Variants in THSD7B observed in about 807,000 individuals in gnomAD.
THSD7B encodes thrombospondin type 1 domain containing 7B.
Under a neutral mutation model 213.6 loss-of-function variants are expected in THSD7B, and 138 were observed. The observed-to-expected ratio is 0.65, with a 90% CI of 0.56 to 0.74. THSD7B has a LOEUF of 0.74. THSD7B is among the 30% of genes least tolerant of loss of function. THSD7B has a pLI of 0.00. For synonymous variants in THSD7B, 742 were observed against 687.0 expected (o/e 1.08, Z -1.25); for missense variants, 1,931 against 1,991.5 (o/e 0.97, Z 0.58).
chr2:137,590,564 A>AC, intron 17 of THSD7B, among the ~76,000 whole-genome samples: 1 of 152,102 alleles, frequency 6.6e-6, no homozygotes, highest in Admixed American at 6.6e-5. Flanking sequence ...TGGTATTTTG[A>AC]AAGTCTTTTA....
chr2:137,657,086 C>T lies in THSD7B; in HGVS notation c.4301C>T (p.Thr1434Ile), dbSNP rs760657010. ...ACAGGAGGCAAATGTTATCACTACA[C>T]ATGGAAAGCAAGTCTTTGGAACAAT... ...PCTGGKCYHY[T>I]WKASLWNNNE... The change falls in exon 24 of 28, where the codon ACA (threonine) becomes ATA (isoleucine). Residue 1434 changes from threonine (T) to isoleucine (I), a missense_variant. Thr to Ile is a moderately conservative substitution (Grantham distance 89). Coordinates refer to ENST00000409968, the MANE Select transcript of THSD7B (RefSeq NM_001316349.2). 8.7e-6 allele frequency: 14 copies of T among 1,613,866 alleles called. No individual in the cohort carries two copies. The East Asian group carries it at 1.6e-4, about 18-fold the overall frequency.
At position 137,465,814 on chromosome 2, in the gene THSD7B, G is replaced by A. The variant is rs1013223327; in HGVS notation, c.3138+14791G>A. 1.2e-4 allele frequency among the ~76,000 whole-genome samples: 19 copies of A among 152,160 alleles called. No homozygotes were observed. The South Asian group carries it at 1.5e-3, about 12-fold the overall frequency. On this transcript the variant is annotated intron_variant, in intron 15 of 27. Transcript: ENST00000409968. ...CTCTCTGAACCACTAATGTCAAGTGGCATTTACCATGAGCAAGTAATCTCT... is the reference window on the plus strand; with the variant it reads ...CTCTCTGAACCACTAATGTCAAGTGACATTTACCATGAGCAAGTAATCTCT...
At chr2:137,600,565 C>G (rs1487201387) in intron 17 of THSD7B, among the ~76,000 whole-genome samples, 1 of 152,060 alleles carries the variant, frequency 6.6e-6, no homozygotes, top group Non-Finnish European at 1.5e-5. Flanking sequence ...TGGCGAAACC[C>G]TATCTCTGCT....
intron 12 of THSD7B, among the ~76,000 whole-genome samples, chr2:137,352,058 A>G (rs1416757706): frequency 6.6e-6 from 1 of 151,834 alleles, no homozygotes; most frequent in African/African-American, 2.4e-5. Context: ...GGAAGCCAAA[A>G]GATTGGACAC....
intron 2 of THSD7B, among the ~76,000 whole-genome samples, chr2:137,018,616 A>G (rs974127599): frequency 1.3e-5 from 2 of 152,182 alleles, no homozygotes; most frequent in African/African-American, 4.8e-5. Context: ...AGGGCATTCA[A>G]TTTGTACAGT....
At chr2:137,225,768 A>C (rs1259896469) in intron 7 of THSD7B, among the ~76,000 whole-genome samples, 1 of 117,224 alleles carries the variant, frequency 8.5e-6, no homozygotes, top group Non-Finnish European at 1.8e-5. Flanking sequence ...TTTGACATTG[A>C]GTTTCTTTAT....
intron 1 of THSD7B, among the ~76,000 whole-genome samples, chr2:136,856,647 T>C (rs1383270357): frequency 1.3e-5 from 2 of 152,058 alleles, no homozygotes; most frequent in East Asian, 3.9e-4. Flanking sequence ...CCTGAGTAGC[T>C]GGGATTACAG....
intron 2 of THSD7B, among the ~76,000 whole-genome samples, chr2:136,897,221 G>T (rs1683975526): frequency 6.6e-6 from 1 of 152,200 alleles, no homozygotes; most frequent in African/African-American, 2.4e-5. Context: ...GTTCCTTCCG[G>T]TGGGTTCTTG....
In THSD7B at chr2:137,094,962, C is replaced by T. The variant is rs777171385; in HGVS notation, c.1040C>T (p.Pro347Leu). ...CETSQWSSWS[P>L]CSKTCRSGSL... ...ACCTCCCAGTGGTCCTCCTGGAGCC[C>T]CTGCTCCAAGACATGCCGTTCAGGG... The change falls in exon 4 of 28, where the codon CCC becomes CTC. Residue 347 changes from proline (P) to leucine (L), a missense_variant. Coordinates refer to ENST00000409968, the MANE Select transcript of THSD7B (RefSeq NM_001316349.2). 6.2e-7 allele frequency: 1 copy of T among 1,613,836 alleles called. No homozygotes were observed. The highest frequency in any genetic ancestry group is 8.5e-7 in the Non-Finnish European group (1 of 1,179,852).
intron 20 of THSD7B, among the ~76,000 whole-genome samples, chr2:137,622,395 A>T (rs1338962662): frequency 6.6e-6 from 1 of 152,146 alleles, no homozygotes; most frequent in African/African-American, 2.4e-5. Context: ...TGCTTCCAAG[A>T]TACAGTGGTG....
chr2:137,068,151 A>C (rs1360509752), intron 3 of THSD7B, among the ~76,000 whole-genome samples: 1 of 151,982 alleles, frequency 6.6e-6, no homozygotes, highest in African/African-American at 2.4e-5. Flanking sequence ...TGGATTTAAG[A>C]AGGGTTATTG....
At position 136,886,678 on chromosome 2, in the gene THSD7B, C is replaced by T. The variant is rs1004051162; in HGVS notation, c.139+4361C>T. 2.0e-5 allele frequency among the ~76,000 whole-genome samples: 3 copies of T among 152,270 alleles called. 1 individual carries two copies. The highest frequency in any genetic ancestry group is 7.2e-5 in the African/African-American group (3 of 41,546). ...TCTCAACAGTGCCCAGGTTGAGAAA[C>T]CCTGAGTTAAGATAAAGCCATCAGG... On this transcript the variant is annotated intron_variant, in intron 2 of 27. Transcript: ENST00000409968.
intron 2 of THSD7B, among the ~76,000 whole-genome samples, chr2:136,884,480 C>G (rs1331318356): frequency 6.6e-6 from 1 of 152,154 alleles, no homozygotes; most frequent in East Asian, 1.9e-4. Flanking sequence ...TTCATATCTG[C>G]CAGGCCTCCC....
At chr2:137,489,855 CT>C (rs1276448460) in intron 15 of THSD7B, among the ~76,000 whole-genome samples, 2 of 152,178 alleles carry the variant, frequency 1.3e-5, no homozygotes, top group African/African-American at 4.8e-5. Context: ...CCTTTACTGT[CT>C]TTTTCCCACA....
intron 2 of THSD7B, among the ~76,000 whole-genome samples, chr2:136,947,931 G>T (rs1684971741): frequency 1.3e-5 from 2 of 152,082 alleles, no homozygotes; most frequent in African/African-American, 4.8e-5. Flanking sequence ...ACTGCATGGG[G>T]GTGTCCTGCA....
chr2:136,818,218 TA>T (rs548596060), intron 1 of THSD7B, among the ~76,000 whole-genome samples: 5,153 of 148,602 alleles, frequency 0.035, 156 homozygotes, highest in East Asian at 0.16. Context: ...TATGCAGCCA[TA>T]AAAAATGATG....
intron 12 of THSD7B, among the ~76,000 whole-genome samples, chr2:137,311,013 T>C (rs1683889908): frequency 6.6e-6 from 1 of 150,556 alleles, no homozygotes; most frequent in South Asian, 2.2e-4. Context: ...CATATGAACT[T>C]TAAAGTATTT....
chr2:137,459,492 C>G (rs1687840448), intron 15 of THSD7B, among the ~76,000 whole-genome samples: 1 of 151,882 alleles, frequency 6.6e-6, no homozygotes, highest in Non-Finnish European at 1.5e-5. Flanking sequence ...ATGGTGAAAC[C>G]CCATCTCTAC....
intron 2 of THSD7B, among the ~76,000 whole-genome samples, chr2:136,979,272 G>C (rs1246753788): frequency 1.3e-5 from 2 of 151,760 alleles, no homozygotes; most frequent in East Asian, 3.9e-4. Context: ...ATCTGTCTTG[G>C]AGTTGATCTT....
Sources: gnomAD v4.1 joint callset for allele counts (sites outside exome capture counted in the v4.1 genomes callset) on GRCh38, gnomAD v4.1.1 for gene constraint, MANE v1.5 for transcripts, NCBI Gene and HGNC (gene_info 2026-07-23, HGNC 2026-07-21) for gene names.